Variants in NOD1 observed in about 807,000 individuals in gnomAD.
NOD1 encodes the protein nucleotide binding oligomerization domain containing 1.
NOD1 carries 70 observed loss-of-function variants against 81.2 expected under a neutral mutation model. The ratio of observed to expected loss-of-function variants is 0.86; its 90% confidence interval spans 0.71 to 1.05. The LOEUF (loss-of-function observed/expected upper bound fraction) is 1.05. NOD1 is among the 50% of genes least tolerant of loss of function. NOD1 has a pLI of 0.00. For missense variants in NOD1, 1,233 were observed against 1,228.0 expected (o/e 1.00, Z -0.06); for synonymous variants, 508 against 526.9 (o/e 0.96, Z 0.49).
intron 11 of NOD1, chr7:30,433,480 C>T: frequency 2.6e-6 from 1 of 391,794 alleles, no homozygotes; most frequent in Non-Finnish European, 4.6e-6. Context: ...AGATGGGGGC[C>T]CACGGAAAAC....
At chr7:30,476,779 G>A (rs375653526) in intron 1 of NOD1, among the ~76,000 whole-genome samples, 1 of 152,212 alleles carries the variant, frequency 6.6e-6, no homozygotes, top group African/African-American at 2.4e-5. Flanking sequence ...GGACTGAGGG[G>A]ATTTGCAGCC....
Position 30,451,627 on chromosome 7 carries a change from G to A in NOD1, c.1790C>T (p.Ser597Phe). The A allele has an allele frequency of 6.2e-7, 1 of 1,613,944 alleles. No individual in the cohort carries two copies. Among genetic ancestry groups the A allele is most frequent in the Non-Finnish European group, 8.5e-7 (1 of 1,180,044 alleles). Residue 597 changes from serine to phenylalanine, a missense_variant, in exon 6 of 14, where the codon TCC becomes TTC. Physicochemically the swap from Ser to Phe is radical, Grantham distance 155. Transcript: ENST00000222823. The surrounding 1 kb of genome is among the most constrained non-coding windows in gnomAD (Gnocchi z 4.2). ...CCGCAGGAGTTTCTGTTTGGCTTTG[G>A]ACAACAGCCCGCACAGGAAGAGGTT... ...FTNLFLCGLL[S>F]KAKQKLLRHL...
chr7:30,432,003 G>A (rs1783994940), intron 12 of NOD1, among the ~76,000 whole-genome samples: 3 of 152,154 alleles, frequency 2.0e-5, no homozygotes, highest in Non-Finnish European at 4.4e-5. Flanking sequence ...TACTCAGGAG[G>A]CTGAGGCAGA....
chr7:30,425,784 G>A (rs1264223657), intron 13 of NOD1, 74 bp from the exon 14 acceptor site: 1 of 991,284 alleles, frequency 1.0e-6, no homozygotes. Flanking sequence ...CCCAAGGTGT[G>A]TTCATAGCAC....
chr7:30,426,455 C>T (rs112946300), intron 13 of NOD1, among the ~76,000 whole-genome samples: 3 of 151,570 alleles, frequency 2.0e-5, no homozygotes, highest in South Asian at 2.1e-4. Flanking sequence ...TGTCTTTGGC[C>T]GGCCATCTTG....
chr7:30,429,490 T>C, intron 12 of NOD1, 33 bp from the exon 13 acceptor site: 1 of 1,585,186 alleles, frequency 6.3e-7, no homozygotes, highest in Non-Finnish European at 8.7e-7. Context: ...ATAAAATCCA[T>C]AATACTGGAT....
In NOD1 at chr7:30,452,045, C is replaced by T. The variant is rs1298399973; in HGVS notation, c.1372G>A (p.Asp458Asn). ...ACCTGCCCCAGCGAGCACAGAGTGT[C>T]CCGGCCGGCGTGGAGGGTCTCCACT... ...SPVETLHAGR[D>N]TLCSLGQVAH... Residue 458 changes from aspartate (D) to asparagine (N), a missense_variant, in exon 6 of 14, where the codon GAC becomes AAC. Transcript: ENST00000222823. 1 of 1,613,402 alleles carries T rather than the reference C, an allele frequency of 6.2e-7. No homozygotes were observed. Among genetic ancestry groups the T allele is most frequent in the Non-Finnish European group, 8.5e-7 (1 of 1,179,978 alleles).
Position 30,457,052 on chromosome 7 carries a change from T to A in NOD1, c.-121-10A>T. 1.4e-6 allele frequency: 1 copy of A among 693,410 alleles called. No individual in the cohort carries two copies. Among genetic ancestry groups the A allele is most frequent in the South Asian group, 1.7e-5 (1 of 58,588 alleles). 43.0% of individuals were successfully genotyped at this position (693,410 alleles called of 1,614,324 possible). The stretch of plus-strand genomic sequence containing the variant: ...CTACTCTGCGCAGCCCCTGAAGAGA[T>A]CAATGACATCATCAGCAAAGCAAAA... On this transcript the variant is annotated splice_polypyrimidine_tract_variant and intron_variant, in intron 3 of 13. Transcript: ENST00000222823.
chr7:30,451,459 A>G lies in NOD1; in HGVS notation c.1958T>C (p.Ile653Thr), dbSNP rs1209432514. The change falls in exon 6 of 14, where the codon ATC becomes ACC. Residue 653 changes from isoleucine (I) to threonine (T), a missense_variant. Transcript: ENST00000222823. This position sits in a 1 kb window ranked among gnomAD's most constrained non-coding sequence, Gnocchi z 4.2. The stretch of plus-strand genomic sequence containing the variant: ...CTCGTAGATGCAGCGCAGCATCCAG[A>G]TGAACGTGGGCATGGCCTGCACCTG... ...FNQVQAMPTF[I>T]WMLRCIYETQ... The G allele has an allele frequency of 6.2e-7, 1 of 1,613,566 alleles. No homozygotes were observed. The highest frequency in any genetic ancestry group is 8.5e-7 in the Non-Finnish European group (1 of 1,179,992).
chr7:30,439,252 G>A (rs1784657702), intron 9 of NOD1, among the ~76,000 whole-genome samples: 1 of 141,304 alleles, frequency 7.1e-6, no homozygotes, highest in Admixed American at 6.7e-5. Flanking sequence ...GGAGGGAGGA[G>A]CCAAGATGGC....
intron 11 of NOD1, 45 bp from the exon 12 acceptor site, chr7:30,433,224 C>A (rs1342026977): frequency 4.1e-6 from 6 of 1,479,196 alleles, no homozygotes; most frequent in Non-Finnish European, 4.7e-6. Flanking sequence ...GCCTACTTGG[C>A]AGACATTGTT....
At chr7:30,468,788 C>T in intron 1 of NOD1, 1 of 978,358 alleles carries the variant, frequency 1.0e-6, no homozygotes, top group Non-Finnish European at 1.2e-6. Flanking sequence ...GAAATGACTT[C>T]TCTTGAATAT....
At chr7:30,468,217 ATTTCC>A (rs1787909349) in intron 1 of NOD1, among the ~76,000 whole-genome samples, 2 of 152,182 alleles carry the variant, frequency 1.3e-5, no homozygotes, top group African/African-American at 4.8e-5. Flanking sequence ...CAAACGTTTC[ATTTCC>A]TTTGTCTTGT....
At chr7:30,429,890 G>A (rs1783795227) in intron 12 of NOD1, among the ~76,000 whole-genome samples, 1 of 152,156 alleles carries the variant, frequency 6.6e-6, no homozygotes, top group Admixed American at 6.5e-5. Flanking sequence ...GCATGGTGGT[G>A]TGCACCTGTA....
chr7:30,454,811 A>C (rs971519810), intron 5 of NOD1, among the ~76,000 whole-genome samples: 9 of 152,018 alleles, frequency 5.9e-5, no homozygotes, highest in Non-Finnish European at 1.3e-4. Flanking sequence ...GATTTTTTTA[A>C]AAGAAAAAAA....
intron 12 of NOD1, among the ~76,000 whole-genome samples, chr7:30,430,692 G>T (rs1783873123): frequency 1.3e-5 from 2 of 152,210 alleles, no homozygotes; most frequent in Admixed American, 1.3e-4. Context: ...TGTAAACTGA[G>T]AATAACTATA....
intron 5 of NOD1, among the ~76,000 whole-genome samples, chr7:30,453,445 A>G (rs1397324971): frequency 6.6e-6 from 1 of 152,162 alleles, no homozygotes; most frequent in Non-Finnish European, 1.5e-5. Context: ...TTTTGTTGTT[A>G]GAGATAGGGT....
intron 8 of NOD1, chr7:30,446,535 C>T (rs1235027588): frequency 9.3e-6 from 4 of 430,392 alleles, no homozygotes; most frequent in South Asian, 5.2e-5. Flanking sequence ...CTGGGAGGTC[C>T]CACTTTGACT....
chr7:30,460,222 TC>T (rs1414155440), intron 1 of NOD1, 181 bp from the exon 2 acceptor site: 6 of 984,886 alleles, frequency 6.1e-6, no homozygotes, highest in Non-Finnish European at 3.6e-6. Flanking sequence ...GTAAACAGAA[TC>T]TAAGGGTAGA....
Sources: gnomAD v4.1 joint callset for allele counts (sites outside exome capture counted in the v4.1 genomes callset) on GRCh38, gnomAD v4.1.1 for gene constraint, Gnocchi (gnomAD v3.1) non-coding constraint, MANE v1.5 for transcripts, NCBI Gene and HGNC (gene_info 2026-07-23, HGNC 2026-07-21) for gene names.